TUSC3: variants seen among roughly 807,000 people sequenced by gnomAD.
The protein encoded by TUSC3 is dolichyl-diphosphooligosaccharide--protein glycosyltransferase subunit TUSC3.
TUSC3 carries 45 observed loss-of-function variants against 44.8 expected under a neutral mutation model. The observed-to-expected ratio is 1.00, with a 90% confidence interval of 0.79 to 1.29. The LOEUF (loss-of-function observed/expected upper bound fraction) is 1.29, where lower values mean the gene tolerates loss of function less well. Among genes scored for constraint, TUSC3 ranks in the 50% most tolerant of loss-of-function variants. The pLI is 0.00. For synonymous variants in TUSC3, 212 were observed against 152.9 expected (o/e 1.39, Z -2.85); for missense variants, 519 against 437.9 (o/e 1.19, Z -1.65).
At chr8:15,439,479 C>G (rs1799993463) in intron 1 of TUSC3, among the ~76,000 whole-genome samples, 1 of 152,102 alleles carries the variant, frequency 6.6e-6, no homozygotes, top group Admixed American at 6.5e-5. Flanking sequence ...ATCACTTGAG[C>G]CTAGGAGGTT....
At chr8:15,638,196 C>T (rs577875796) in intron 2 of TUSC3, among the ~76,000 whole-genome samples, 1 of 149,472 alleles carries the variant, frequency 6.7e-6, no homozygotes, top group East Asian at 2.1e-4. Context: ...CTGCTAGGAT[C>T]CCTCGTACCC....
intron 3 of TUSC3, among the ~76,000 whole-genome samples, chr8:15,652,602 CAT>C (rs1356598065): frequency 7.2e-5 from 11 of 152,064 alleles, no homozygotes; most frequent in Non-Finnish European, 1.5e-5. Flanking sequence ...CATAATAAAA[CAT>C]ATAAATATGT....
intron 2 of TUSC3, among the ~76,000 whole-genome samples, chr8:15,526,519 C>T (rs961727764): frequency 6.6e-6 from 1 of 152,034 alleles, no homozygotes; most frequent in Non-Finnish European, 1.5e-5. Context: ...GGCAGGTTTC[C>T]CCCATACTGT....
intron 2 of TUSC3, 111 bp downstream of exon 2, chr8:15,623,360 AAATAT>A: frequency 9.0e-7 from 1 of 1,107,604 alleles, no homozygotes; most frequent in South Asian, 2.3e-5. Context: ...TTTAATAGTC[AAATAT>A]AACTGTGCAT....
At chr8:15,610,136 A>G (rs1385950164) in intron 1 of TUSC3, among the ~76,000 whole-genome samples, 1 of 152,120 alleles carries the variant, frequency 6.6e-6, no homozygotes, top group Non-Finnish European at 1.5e-5. Flanking sequence ...AATCAGTTTA[A>G]TGTATTTTGT....
chr8:15,537,806 G>C (rs1585080119), upstream of TUSC3, among the ~76,000 whole-genome samples: 2 of 152,144 alleles, frequency 1.3e-5, no homozygotes, highest in East Asian at 3.9e-4. Context: ...GAGAGAAAGG[G>C]AAAGATGATG....
chr8:15,701,594 T>C (rs1006196548), intron 6 of TUSC3, among the ~76,000 whole-genome samples: 4 of 152,158 alleles, frequency 2.6e-5, no homozygotes, highest in African/African-American at 9.7e-5. Context: ...CACAATGTCA[T>C]CAATCTGTTA....
At chr8:15,597,537 C>G (rs1190844868) in intron 1 of TUSC3, among the ~76,000 whole-genome samples, 1 of 152,052 alleles carries the variant, frequency 6.6e-6, no homozygotes, top group Non-Finnish European at 1.5e-5. Flanking sequence ...CTTTGCAAAT[C>G]ATTTTTTAAG....
intron 1 of TUSC3, among the ~76,000 whole-genome samples, chr8:15,562,391 T>A (rs949637508): frequency 6.6e-6 from 1 of 152,184 alleles, no homozygotes; most frequent in Non-Finnish European, 1.5e-5. Flanking sequence ...TAATCCACTT[T>A]AAGCGTTAAG....
intron 2 of TUSC3, among the ~76,000 whole-genome samples, chr8:15,512,276 A>G (rs904030728): frequency 6.6e-6 from 1 of 152,186 alleles, no homozygotes; most frequent in African/African-American, 2.4e-5. Context: ...GTTACTCACC[A>G]TAACGAGGGT....
intron 5 of TUSC3, among the ~76,000 whole-genome samples, chr8:15,667,073 A>G (rs1807693787): frequency 6.6e-6 from 1 of 151,604 alleles, no homozygotes; most frequent in South Asian, 2.1e-4. Context: ...ACAATTGAAT[A>G]AGACTCACTG....
chr8:15,662,638 T>G (rs564303080), intron 5 of TUSC3, among the ~76,000 whole-genome samples: 110 of 152,106 alleles, frequency 7.2e-4, no homozygotes, highest in Middle Eastern at 3.4e-3. Context: ...GAATTTCTCA[T>G]TCAGCTATTT....
chr8:15,514,074 C>A (rs1330336292), intron 2 of TUSC3, among the ~76,000 whole-genome samples: 1 of 152,180 alleles, frequency 6.6e-6, no homozygotes, highest in Non-Finnish European at 1.5e-5. Flanking sequence ...CTATGCGCCA[C>A]CACTTCCCAA....
chr8:15,574,708 T>C (rs1803022427), intron 1 of TUSC3, among the ~76,000 whole-genome samples: 1 of 152,162 alleles, frequency 6.6e-6, no homozygotes, highest in African/African-American at 2.4e-5. Flanking sequence ...CTAACATTTT[T>C]TCATTTTCTT....
chr8:15,745,863 A>T (rs1029464696), intron 8 of TUSC3, among the ~76,000 whole-genome samples: 4 of 138,112 alleles, frequency 2.9e-5, no homozygotes, highest in Non-Finnish European at 6.4e-5. Context: ...GCCAAGGCCA[A>T]TGTTGAGACA....
intron 3 of TUSC3, among the ~76,000 whole-genome samples, chr8:15,653,789 C>CGACG (rs1183576441): frequency 6.6e-6 from 1 of 152,158 alleles, no homozygotes. Flanking sequence ...TTTTAACTGA[C>CGACG]TATTAAATCA....
At chr8:15,469,586 G>A (rs1800457861) in intron 1 of TUSC3, among the ~76,000 whole-genome samples, 1 of 152,174 alleles carries the variant, frequency 6.6e-6, no homozygotes, top group Non-Finnish European at 1.5e-5. Flanking sequence ...GAACTGTTTG[G>A]CAGTTTCTTT....
chr8:15,741,871 C>CA (rs1811214196), intron 7 of TUSC3, among the ~76,000 whole-genome samples: 1 of 152,096 alleles, frequency 6.6e-6, no homozygotes, highest in Non-Finnish European at 1.5e-5. Flanking sequence ...CCATATCAGT[C>CA]ACATCTATCT....
intron 1 of TUSC3, among the ~76,000 whole-genome samples, chr8:15,460,138 G>C (rs1800324545): frequency 6.6e-6 from 1 of 152,056 alleles, no homozygotes; most frequent in South Asian, 2.1e-4. Context: ...GGCTGTACTA[G>C]TTTACATTCC....
Sources: gnomAD v4.1 joint callset for allele counts (sites outside exome capture counted in the v4.1 genomes callset) on GRCh38, gnomAD v4.1.1 for gene constraint, MANE v1.5 for transcripts, NCBI Gene and HGNC (gene_info 2026-07-23, HGNC 2026-07-21) for gene names.